The following RAPGEF4 variants were observed in gnomAD, a reference collection of about 807,000 sequenced individuals.
The protein encoded by RAPGEF4 is Rap guanine nucleotide exchange factor 4.
RAPGEF4 carries 66 observed loss-of-function variants against 147.9 expected under a neutral mutation model. The observed-to-expected ratio is 0.45, with a 90% CI of 0.37 to 0.55. RAPGEF4 has a LOEUF of 0.55. Ranked by LOEUF, RAPGEF4 falls within the 20% of genes least tolerant of loss-of-function variation. RAPGEF4 has a pLI of 0.00. For synonymous variants in RAPGEF4, 419 were observed against 442.7 expected (o/e 0.95, Z 0.67); for missense variants, 1,071 against 1,257.3 (o/e 0.85, Z 2.24).
At chr2:172,782,014 T>TAG (rs1243161045) in intron 1 of RAPGEF4, among the ~76,000 whole-genome samples, 1 of 152,176 alleles carries the variant, frequency 6.6e-6, no homozygotes, top group African/African-American at 2.4e-5. Context: ...CACCTACTTA[T>TAG]TCTGTGGGTT....
intron 1 of RAPGEF4, among the ~76,000 whole-genome samples, chr2:172,778,942 G>T (rs1423945913): frequency 2.0e-5 from 3 of 152,118 alleles, no homozygotes; most frequent in Non-Finnish European, 4.4e-5. Flanking sequence ...GTATTCTGAG[G>T]AGTTATTATT....
intron 12 of RAPGEF4, among the ~76,000 whole-genome samples, chr2:172,986,014 T>C (rs2105694156): frequency 6.6e-6 from 1 of 152,334 alleles, no homozygotes; most frequent in East Asian, 1.9e-4. Context: ...CTCACCAAAA[T>C]CCAAGTTGCA....
chr2:172,948,256 A>T (rs1002301034), intron 6 of RAPGEF4, among the ~76,000 whole-genome samples: 2 of 152,294 alleles, frequency 1.3e-5, no homozygotes, highest in African/African-American at 2.4e-5. Context: ...TTGGGCTTTT[A>T]TGTGGCAGTA....
intron 4 of RAPGEF4, among the ~76,000 whole-genome samples, chr2:172,835,839 C>T (rs989846579): frequency 1.3e-5 from 2 of 152,156 alleles, no homozygotes; most frequent in Non-Finnish European, 2.9e-5. Flanking sequence ...ATCAAATTCT[C>T]AGTGGCAAGG....
chr2:172,920,272 C>T (rs7604579), intron 5 of RAPGEF4, among the ~76,000 whole-genome samples: 4,170 of 152,106 alleles, frequency 0.027, 60 homozygotes, highest in South Asian at 0.068. Flanking sequence ...ATACACGTCA[C>T]TCCAAATATG....
At chr2:172,983,908 A>T (rs928162206) in intron 11 of RAPGEF4, among the ~76,000 whole-genome samples, 1 of 151,950 alleles carries the variant, frequency 6.6e-6, no homozygotes, top group Non-Finnish European at 1.5e-5. Flanking sequence ...CCTGGGAGGG[A>T]CTCTGAATCC....
chr2:173,027,526 G>A (rs1194871085), intron 25 of RAPGEF4, among the ~76,000 whole-genome samples: 1 of 152,174 alleles, frequency 6.6e-6, no homozygotes, highest in Non-Finnish European at 1.5e-5. Context: ...TACTCAGACG[G>A]TTTTGCCTCC....
Position 172,810,518 on chromosome 2 carries a change from G to T in RAPGEF4, c.298-3761G>T, listed in dbSNP as rs183474624. Among the ~76,000 whole-genome samples the T allele has an allele frequency of 3.9e-5, 6 of 152,350 alleles. No homozygotes were observed. In the East Asian group the frequency reaches 9.6e-4, roughly 24 times the overall value. On this transcript the variant is annotated intron_variant, in intron 3 of 30. Coordinates refer to ENST00000397081, the MANE Select transcript of RAPGEF4 (RefSeq NM_007023.4). ...AAGTAAGGAGGTCTGTGTTTTAGAA[G>T]GAGGAGAAGGAGTGATCCAGTGGAC...
At chr2:173,006,255 G>C (rs1694471500) in intron 17 of RAPGEF4, among the ~76,000 whole-genome samples, 1 of 152,158 alleles carries the variant, frequency 6.6e-6, no homozygotes, top group African/African-American at 2.4e-5. Flanking sequence ...GCATTTGACT[G>C]GTCCTGAAGC....
At chr2:172,955,844 C>T (rs62174645) in intron 6 of RAPGEF4, among the ~76,000 whole-genome samples, 6,135 of 152,092 alleles carry the variant, frequency 0.04, 161 homozygotes, top group Admixed American at 0.068. Context: ...GCAGCTGTGG[C>T]AGCCCTGCCC....
intron 3 of RAPGEF4, among the ~76,000 whole-genome samples, chr2:172,802,703 A>G (rs570486202): frequency 1.3e-5 from 2 of 152,200 alleles, no homozygotes; most frequent in African/African-American, 2.4e-5. Context: ...CATCAACTCA[A>G]AAGTCCACAG....
At chr2:172,854,869 C>A (rs1283328572) in intron 4 of RAPGEF4, among the ~76,000 whole-genome samples, 1 of 152,136 alleles carries the variant, frequency 6.6e-6, no homozygotes, top group East Asian at 1.9e-4. Flanking sequence ...CCTCAGACTG[C>A]AGCACAGTTT....
chr2:172,975,366 C>T (rs1345727305), intron 10 of RAPGEF4, among the ~76,000 whole-genome samples: 1 of 152,186 alleles, frequency 6.6e-6, no homozygotes, highest in African/African-American at 2.4e-5. Context: ...TCCGTCCCCT[C>T]TTTGAACCAC....
At chr2:172,960,647 A>G in intron 6 of RAPGEF4, 113 bp from the exon 7 acceptor site, 1 of 747,392 alleles carries the variant, frequency 1.3e-6, no homozygotes, top group Non-Finnish European at 2.0e-6. Context: ...ATTTTTTTAA[A>G]TTATATTTTG....
intron 4 of RAPGEF4, among the ~76,000 whole-genome samples, chr2:172,885,171 T>G (rs1292176781): frequency 6.6e-6 from 1 of 152,264 alleles, no homozygotes; most frequent in African/African-American, 2.4e-5. Flanking sequence ...TGCCCCAGCT[T>G]CTGCATCCCT....
At chr2:172,978,784 T>G (rs1446982) in intron 10 of RAPGEF4, among the ~76,000 whole-genome samples, 12,411 of 152,212 alleles carry the variant, frequency 0.082, 759 homozygotes, top group African/African-American at 0.17. Flanking sequence ...TATCCAGGAA[T>G]TCCTAAAACT....
chr2:172,895,557 A>T (rs1310218474), intron 4 of RAPGEF4, among the ~76,000 whole-genome samples: 1 of 152,200 alleles, frequency 6.6e-6, no homozygotes, highest in East Asian at 1.9e-4. Flanking sequence ...TTTTCTTTGA[A>T]TTTAGTTATT....
At chr2:173,028,903 G>T (rs182920990) in intron 25 of RAPGEF4, among the ~76,000 whole-genome samples, 2 of 152,184 alleles carry the variant, frequency 1.3e-5, no homozygotes, top group African/African-American at 2.4e-5. Flanking sequence ...GTTTACATTC[G>T]TGGAGGCATA....
intron 6 of RAPGEF4, among the ~76,000 whole-genome samples, chr2:172,932,209 T>G (rs1686071192): frequency 6.6e-6 from 1 of 152,196 alleles, no homozygotes. Flanking sequence ...GTTTGTAAGA[T>G]TCCTAGTACT....
Sources: gnomAD v4.1 joint callset for allele counts (sites outside exome capture counted in the v4.1 genomes callset) on GRCh38, gnomAD v4.1.1 for gene constraint, MANE v1.5 for transcripts, NCBI Gene and HGNC (gene_info 2026-07-23, HGNC 2026-07-21) for gene names.